The following CELSR2 variants were observed in gnomAD, a reference collection of about 807,000 sequenced individuals.
CELSR2 encodes cadherin EGF LAG seven-pass G-type receptor 2, also known as EGF-like protein 2.
In CELSR2, 81 loss-of-function variants were observed where a neutral mutation model predicts 251.6. That is an observed-to-expected ratio of 0.32 (90% CI 0.27 to 0.39). The LOEUF (loss-of-function observed/expected upper bound fraction) is 0.39. Ranked by LOEUF, CELSR2 falls within the 10% of genes least tolerant of loss-of-function variation. The pLI is 1.00. For synonymous variants in CELSR2, 1,721 were observed against 1,670.5 expected, an observed-to-expected ratio of 1.03 and a Z score of -0.74; for missense variants, 3,365 against 3,947.7, an observed-to-expected ratio of 0.85 and a Z score of 3.96.
chr1:109,270,509 G>C lies in CELSR2; in HGVS notation c.7392G>C (p.Leu2464=). 1 of 1,614,190 alleles carries C rather than the reference G, an allele frequency of 6.2e-7. No homozygotes were observed. Among genetic ancestry groups the C allele is most frequent in the Non-Finnish European group, 8.5e-7 (1 of 1,180,028 alleles). Residue 2464 remains leucine (L), a synonymous_variant, in exon 24 of 34, where the codon CTG becomes CTC. Transcript: ENST00000271332. ...FSWALLEALH[L]YRALTEVRDV... is the part of the protein sequence containing the mutation. ...GGGCTCTGCTGGAGGCCTTGCACCT[G>C]TACCGGGCACTCACTGAGGTGCGCG...
In CELSR2 at chr1:109,249,665, C is replaced by T. The variant is rs1285600676; in HGVS notation, c.-415C>T. ...GCGGCGCGGGACCGTCGGGGGCCGCCGGGGCCGGGCCGGGGTCGGGGCGCA... is the reference window on the plus strand; with the variant it reads ...GCGGCGCGGGACCGTCGGGGGCCGCTGGGGCCGGGCCGGGGTCGGGGCGCA... On this transcript the variant is annotated 5_prime_UTR_variant, in exon 1 of 34. Transcript: ENST00000271332. Among the ~76,000 whole-genome samples the T allele has an allele frequency of 6.8e-6, 1 of 146,770 alleles. No individual in the cohort carries two copies. The highest frequency in any genetic ancestry group is 2.4e-5 in the African/African-American group (1 of 40,874).
At position 109,250,289 on chromosome 1, in the gene CELSR2, C is replaced by T. The variant is rs547518364; in HGVS notation, c.210C>T (p.Ser70=). 9.7e-5 allele frequency: 156 copies of T among 1,613,236 alleles called. 1 individual carries two copies. In the South Asian group the frequency reaches 1.6e-3, roughly 17 times the overall value. Residue 70 remains serine, a synonymous_variant, in exon 1 of 34, where the codon AGC becomes AGT. Coordinates refer to ENST00000271332, the MANE Select transcript of CELSR2 (RefSeq NM_001408.3). This position sits in a 1 kb window ranked among gnomAD's most constrained non-coding sequence, Gnocchi z 4.4. ...CGTCGAACCTCTGGCTCTACACCAG[C>T]CGCTGCAGGGATGCGGGCACTGAGC... The part of the protein sequence containing the change: ...SSASNLWLYT[S]RCRDAGTELT...
In CELSR2 at chr1:109,251,538, G is replaced by A; in HGVS notation, c.1459G>A (p.Val487Ile). 6.2e-7 allele frequency: 1 copy of A among 1,613,684 alleles called. No individual in the cohort carries two copies. Among genetic ancestry groups the A allele is most frequent in the Non-Finnish European group, 8.5e-7 (1 of 1,180,016 alleles). Reference sequence around the variant, plus strand: ...TGGTGGCCGTCCCCCACTCTCTAATGTCTCTGGCTTGGTGACAGTACAGGT... The same window carrying A: ...TGGTGGCCGTCCCCCACTCTCTAATATCTCTGGCTTGGTGACAGTACAGGT... ...QDGGRPPLSN[V>I]SGLVTVQVLD... The change falls in exon 1 of 34, where the codon GTC (valine) becomes ATC (isoleucine). Residue 487 changes from valine (V) to isoleucine (I), a missense_variant. By Grantham distance (29) the Val-to-Ile change is conservative (BLOSUM62 3). Coordinates refer to ENST00000271332, the MANE Select transcript of CELSR2 (RefSeq NM_001408.3). This position sits in a 1 kb window ranked among gnomAD's most constrained non-coding sequence, Gnocchi z 4.9.
At chr1:109,270,786 TGG>T in intron 24 of CELSR2, 139 bp from the exon 25 acceptor site, 1 of 998,736 alleles carries the variant, frequency 1.0e-6, no homozygotes, top group Non-Finnish European at 1.5e-6. Context: ...TCCCTTATCC[TGG>T]GGAGATCGGT....
chr1:109,268,449 G>A, intron 17 of CELSR2, 132 bp from the exon 18 acceptor site: 1 of 1,223,376 alleles, frequency 8.2e-7, no homozygotes. Flanking sequence ...GCATTTCAGG[G>A]GAGGCAACAG....
intron 1 of CELSR2, 55 bp downstream of exon 1, chr1:109,253,444 G>C (rs1655758995): frequency 6.5e-7 from 1 of 1,549,920 alleles, no homozygotes. Flanking sequence ...GGATGGTCTG[G>C]GCAGCCACTG....
chr1:109,268,987 C>G lies in CELSR2; in HGVS notation c.6610C>G (p.Leu2204Val). ...CCCGGACCTTGAGACAACAGTCATT[C>G]TGCCTGAGTCTGTCTTCAGAGGTCA... ...QPPDLETTVI[L>V]PESVFRETPP... The change falls in exon 19 of 34, where the codon CTG (leucine) becomes GTG (valine). Residue 2204 changes from leucine to valine, a missense_variant. By Grantham distance (32) the Leu-to-Val change is conservative. This residue lies in a region of CELSR2 where 2,093 missense variants were observed against 2,382.8 expected (regional missense o/e 0.88). Coordinates refer to ENST00000271332, the MANE Select transcript of CELSR2 (RefSeq NM_001408.3). The G allele has an allele frequency of 6.2e-7, 1 of 1,612,694 alleles. No individual in the cohort carries two copies. The highest frequency in any genetic ancestry group is 8.5e-7 in the Non-Finnish European group (1 of 1,179,038).
Position 109,269,814 on chromosome 1 carries a change from G to A in CELSR2, c.7101G>A (p.Arg2367=). ...TSFAVLMDVS[R]RENGEILPLK... ...TCGCTGTGCTCATGGACGTTTCTCG[G>A]CGGGAGGTCGGGCCCACAGGGGCAG... is the stretch of plus-strand genomic sequence containing the variant. Residue 2367 remains arginine, a synonymous_variant, in exon 22 of 34, where the codon CGG becomes CGA. Transcript: ENST00000271332. The surrounding 1 kb of genome is among the most constrained non-coding windows in gnomAD (Gnocchi z 6.4). 1 of 1,612,674 alleles carries A rather than the reference G, an allele frequency of 6.2e-7. No individual in the cohort carries two copies. Among genetic ancestry groups the A allele is most frequent in the Non-Finnish European group, 8.5e-7 (1 of 1,179,990 alleles).
rs1655681365 is a variant in CELSR2, at chr1:109,251,334, C to G, written c.1255C>G (p.Leu419Val). 1.2e-6 allele frequency: 2 copies of G among 1,614,018 alleles called. No homozygotes were observed. Among genetic ancestry groups the G allele is most frequent in the African/African-American group, 2.7e-5 (2 of 74,916 alleles). Residue 419 changes from leucine to valine, a missense_variant, in exon 1 of 34, where the codon CTC becomes GTC. By Grantham distance (32) the Leu-to-Val change is conservative. Coordinates refer to ENST00000271332, the MANE Select transcript of CELSR2 (RefSeq NM_001408.3). This position sits in a 1 kb window ranked among gnomAD's most constrained non-coding sequence, Gnocchi z 4.9. ...GGATGTGACTCCAGGGGCCCCAGTA[C>G]TCCGAGTCACAGCCTCGGATCGAGA... ...REDVTPGAPV[L>V]RVTASDRDKG...
Position 109,253,062 on chromosome 1 carries a change from G to T in CELSR2, c.2983G>T (p.Val995Phe), listed in dbSNP as rs1472093527. 6.2e-7 allele frequency: 1 copy of T among 1,613,508 alleles called. No homozygotes were observed. Among genetic ancestry groups the T allele is most frequent in the East Asian group, 2.2e-5 (1 of 44,896 alleles). The change falls in exon 1 of 34, where the codon GTC becomes TTC. Residue 995 changes from valine (V) to phenylalanine (F), a missense_variant. Around this residue, in one of 5 missense-constraint regions of CELSR2, gnomAD observed 505 missense variants for 660.0 expected, o/e 0.77. Coordinates refer to ENST00000271332, the MANE Select transcript of CELSR2 (RefSeq NM_001408.3). ...CGAGGACCGGCCTGAGTACGTCCTG[G>T]TCATCCAGGCCACGTCAGCTCCTCT... ...DYEDRPEYVL[V>F]IQATSAPLVS...
chr1:109,269,902 A>T lies in CELSR2; in HGVS notation c.7108-31A>T. 6.2e-7 allele frequency: 1 copy of T among 1,613,658 alleles called. No homozygotes were observed. The highest frequency in any genetic ancestry group is 8.5e-7 in the Non-Finnish European group (1 of 1,179,864). ...GGGTGCTCAGGTCCTGCCCTTCCTAATTCCCTGGCCCCCTGCCACCTACTC... is the reference window on the plus strand; with the variant it reads ...GGGTGCTCAGGTCCTGCCCTTCCTATTTCCCTGGCCCCCTGCCACCTACTC... On this transcript the variant is annotated intron_variant, in intron 22 of 33. Transcript: ENST00000271332. The surrounding 1 kb of genome is among the most constrained non-coding windows in gnomAD (Gnocchi z 6.4).
chr1:109,267,713 CT>C (rs776697872), intron 16 of CELSR2, 71 bp downstream of exon 16: 48 of 1,571,578 alleles, frequency 3.1e-5, no homozygotes, highest in Non-Finnish European at 4.2e-5. Context: ...CCACTCCCAT[CT>C]TTGAGAACGG....
In CELSR2 at chr1:109,258,567, TCATC is replaced by T; in HGVS notation, c.3449_3452del (p.Ile1150ArgfsTer33). ...TTCCTGTCACCACTGCTAGGCCTCTTCATCCAGGCGGTGGCCGCCACGCTGGCCA... is the reference window on the plus strand; with the variant it reads ...TTCCTGTCACCACTGCTAGGCCTCTTCAGGCGGTGGCCGCCACGCTGGCCA... On this transcript the variant is annotated frameshift_variant, in exon 2 of 34. Coordinates refer to ENST00000271332, the MANE Select transcript of CELSR2 (RefSeq NM_001408.3). LOFTEE classifies it high-confidence loss of function. The T allele has an allele frequency of 6.2e-7, 1 of 1,603,538 alleles. No individual in the cohort carries two copies. Among genetic ancestry groups the T allele is most frequent in the Non-Finnish European group, 8.5e-7 (1 of 1,175,656 alleles).
At chr1:109,263,979 C>A in intron 9 of CELSR2, 99 bp from the exon 10 acceptor site, 1 of 1,459,002 alleles carries the variant, frequency 6.9e-7, no homozygotes, top group African/African-American at 1.4e-5. Flanking sequence ...CTCAGCTGGG[C>A]AGCGGGATGG....
intron 8 of CELSR2, 123 bp downstream of exon 8, chr1:109,263,390 T>C: frequency 7.0e-7 from 1 of 1,436,870 alleles, no homozygotes; most frequent in East Asian, 2.4e-5. Context: ...AAAGCGTGTC[T>C]GGGCAGAGCC....
In CELSR2 at chr1:109,269,588, T is replaced by G. The variant is rs1456946012; in HGVS notation, c.6977T>G (p.Ile2326Ser). ...KPICVFWNHS[I>S]LVSGTGGWSA... ...ATCTGTGTCTTCTGGAACCATTCAA[T>G]CCTGTGAGCCTGCACTGCCCTCGCC... The change falls in exon 21 of 34, where the codon ATC becomes AGC. Residue 2326 changes from isoleucine (I) to serine (S), a missense_variant. Transcript: ENST00000271332. The surrounding 1 kb of genome is among the most constrained non-coding windows in gnomAD (Gnocchi z 6.4). The G allele has an allele frequency of 6.2e-7, 1 of 1,614,076 alleles. No homozygotes were observed. The highest frequency in any genetic ancestry group is 1.7e-5 in the Admixed American group (1 of 60,026).
intron 27 of CELSR2, 23 bp from the exon 28 acceptor site, chr1:109,271,577 C>T (rs1020654203): frequency 3.7e-6 from 6 of 1,614,000 alleles, no homozygotes; most frequent in African/African-American, 2.7e-5. Flanking sequence ...ATGCACAGAC[C>T]GTTGCTGCCT....
chr1:109,265,152 G>A, intron 12 of CELSR2, 39 bp from the exon 13 acceptor site: 1 of 1,576,384 alleles, frequency 6.3e-7, no homozygotes, highest in South Asian at 1.2e-5. Context: ...GGTGGGAGTG[G>A]CAGGGGGAGC....
rs1570793461 is a variant in CELSR2 at position 109,270,784 on chromosome 1, C to G, written c.7484-143C>G. 15 of 1,003,920 alleles carry G rather than the reference C, an allele frequency of 1.5e-5. No homozygotes were observed. The East Asian group carries it at 3.6e-4, about 24-fold the overall frequency. The allele number at this position is 1,003,920 out of a possible 1,614,324, so 62.2% of individuals were successfully genotyped here. On this transcript the variant is annotated intron_variant, in intron 24 of 33. Transcript: ENST00000271332. Reference sequence around the variant, plus strand: ...CGCCACCCAGGCGTCACTCCCTTATCCTGGGGAGATCGGTAGGGGCCGATG... The same window carrying G: ...CGCCACCCAGGCGTCACTCCCTTATGCTGGGGAGATCGGTAGGGGCCGATG...
Sources: allele counts gnomAD v4.1 joint callset (sites outside exome capture counted in the v4.1 genomes callset), GRCh38; gene constraint gnomAD v4.1.1; regional missense constraint gnomAD v4.1.1; non-coding constraint Gnocchi (gnomAD v3.1); transcripts MANE v1.5; gene names NCBI Gene and HGNC (gene_info 2026-07-23, HGNC 2026-07-21).